The following GFRA3 variants were observed in gnomAD, a reference collection of about 807,000 sequenced individuals.
GFRA3 encodes the protein GDNF family receptor alpha 3, also known as GDNF family receptor alpha-3.
In GFRA3, 24 loss-of-function variants were observed where a neutral mutation model predicts 40.0. The ratio of observed to expected loss-of-function variants is 0.60; its 90% CI spans 0.43 to 0.84. The LOEUF (loss-of-function observed/expected upper bound fraction) is 0.84, where lower values mean the gene tolerates loss of function less well. Ranked by LOEUF, GFRA3 falls within the 40% of genes least tolerant of loss-of-function variation. GFRA3 has a pLI of 0.00. For synonymous variants in GFRA3, 203 were observed against 213.5 expected, an observed-to-expected ratio of 0.95 and a Z score of 0.43; for missense variants, 405 against 530.6, an observed-to-expected ratio of 0.76 and a Z score of 2.33.
intron 1 of GFRA3, 46 bp downstream of exon 1, chr5:138,274,288 T>C (rs375075920): frequency 1.7e-5 from 22 of 1,316,766 alleles, no homozygotes; most frequent in Non-Finnish European, 2.0e-5. Context: ...ACACCTCACC[T>C]CCCCCTCCCA....
At chr5:138,256,248 G>T (rs966027731) in intron 4 of GFRA3, among the ~76,000 whole-genome samples, 1 of 139,602 alleles carries the variant, frequency 7.2e-6, no homozygotes, top group Non-Finnish European at 1.6e-5. Context: ...AAAAAAAATC[G>T]CTGGGCACGG....
chr5:138,257,710 G>A lies in GFRA3; in HGVS notation c.714C>T (p.Asn238=). The change falls in exon 4 of 8, where the codon AAC becomes AAT. Residue 238 remains asparagine (N), a synonymous_variant. Transcript: ENST00000274721. ...GERRRNTIAP[N]CALPPVAPNC... ...TGGGGGCCACAGGCGGCAGCGCGCA[G>A]TTGGGGGCGATGGTGTTGCGCCGGC... The A allele has an allele frequency of 6.2e-7, 1 of 1,610,982 alleles. No individual in the cohort carries two copies. The highest frequency in any genetic ancestry group is 8.5e-7 in the Non-Finnish European group (1 of 1,179,120).
In GFRA3 at chr5:138,258,166, C is replaced by CTTTTTTTTT. The variant is rs66792829; in HGVS notation, c.473-224_473-216dup. Among the ~76,000 whole-genome samples the CTTTTTTTTT allele has an allele frequency of 1.5e-3, 78 of 51,650 alleles. 10 individuals are homozygous for CTTTTTTTTT. Among genetic ancestry groups the CTTTTTTTTT allele is most frequent in the African/African-American group, 1.7e-3 (19 of 10,958 alleles). 33.9% of individuals were successfully genotyped at this position (51,650 alleles called of 152,430 possible). A position where few individuals can be genotyped will look rare whatever the true frequency, so the allele number is the denominator to read the frequency against. On this transcript the variant is annotated intron_variant, in intron 3 of 7. Transcript: ENST00000274721. ...TTGAAGCCTTCCCCACCCTACTCCT[C>CTTTTTTTTT]TTTTTTTTTTTTTTTTTTTTTTTTT...
At chr5:138,258,035 G>T (rs956333955) in intron 3 of GFRA3, 84 bp from the exon 4 acceptor site, 6 of 1,080,686 alleles carry the variant, frequency 5.6e-6, no homozygotes, top group Non-Finnish European at 8.5e-6. Flanking sequence ...GGAAACCCCT[G>T]ATTTGACAAG....
chr5:138,256,230 T>TAAA (rs35302809), intron 4 of GFRA3, among the ~76,000 whole-genome samples: 3 of 106,540 alleles, frequency 2.8e-5, no homozygotes, highest in African/African-American at 8.3e-5. Context: ...GACTCCGTCT[T>TAAA]AAAAAAAAAA....
At chr5:138,263,061 T>C (rs1032980513) in intron 2 of GFRA3, among the ~76,000 whole-genome samples, 3 of 151,912 alleles carry the variant, frequency 2.0e-5, no homozygotes, top group African/African-American at 7.3e-5. Flanking sequence ...GCTTCCCGGG[T>C]TCAAGTGATT....
At chr5:138,272,018 T>G (rs1426360825) in intron 1 of GFRA3, among the ~76,000 whole-genome samples, 2 of 145,496 alleles carry the variant, frequency 1.4e-5, no homozygotes, top group Non-Finnish European at 3.0e-5. Context: ...TCTTTTTTTT[T>G]TTTTTGAGAC....
chr5:138,265,758 G>A (rs1266675240), intron 1 of GFRA3, among the ~76,000 whole-genome samples: 2 of 151,944 alleles, frequency 1.3e-5, no homozygotes, highest in South Asian at 4.2e-4. Flanking sequence ...GCAGTGGCAC[G>A]ATCACAGCTC....
chr5:138,269,020 T>A (rs1430982578), intron 1 of GFRA3, among the ~76,000 whole-genome samples: 1 of 151,268 alleles, frequency 6.6e-6, no homozygotes, highest in Non-Finnish European at 1.5e-5. Flanking sequence ...GATACACAAA[T>A]AGCCAACATA....
At chr5:138,271,968 TTTGG>T (rs1305243477) in intron 1 of GFRA3, among the ~76,000 whole-genome samples, 2 of 139,470 alleles carry the variant, frequency 1.4e-5, no homozygotes, top group African/African-American at 2.8e-5. Flanking sequence ...TATTTGTTTG[TTTGG>T]TTGGTTTTTT....
chr5:138,271,892 G>GTTTTTT (rs772736464), intron 1 of GFRA3, among the ~76,000 whole-genome samples: 5 of 59,684 alleles, frequency 8.4e-5, no homozygotes, highest in East Asian at 5.0e-4. Flanking sequence ...TTTCTTTTCT[G>GTTTTTT]TTTTTTTTTT....
intron 1 of GFRA3, among the ~76,000 whole-genome samples, chr5:138,270,753 T>C (rs1755856897): frequency 6.6e-6 from 1 of 152,088 alleles, no homozygotes; most frequent in Non-Finnish European, 1.5e-5. Context: ...AAATATGTAT[T>C]TCCAAAAAGC....
At chr5:138,254,243 A>G in intron 4 of GFRA3, 83 bp from the exon 5 acceptor site, 1 of 798,668 alleles carries the variant, frequency 1.3e-6, no homozygotes. Context: ...GCTGGAGTGC[A>G]GTAGCTCAAT....
At chr5:138,254,705 T>A (rs563404856) in intron 4 of GFRA3, among the ~76,000 whole-genome samples, 99 of 152,296 alleles carry the variant, frequency 6.5e-4, no homozygotes, top group African/African-American at 2.3e-3. Flanking sequence ...TCCCTACTTA[T>A]GAGATCTCAG....
rs993471478 is a variant in GFRA3, at chr5:138,253,140, C to T, written c.1114-83G>A. The stretch of plus-strand genomic sequence containing the variant: ...CTCAGCCTCAGTCAAGAGGTATTCC[C>T]CTTCCCCTGAGGTATCCATTAGAGG... On this transcript the variant is annotated intron_variant, in intron 7 of 7. Coordinates refer to ENST00000274721, the MANE Select transcript of GFRA3 (RefSeq NM_001496.4). The T allele has an allele frequency of 3.1e-5, 27 of 881,980 alleles. No individual in the cohort carries two copies. In the Admixed American group the frequency reaches 5.4e-4, roughly 18 times the overall value. 54.6% of individuals were successfully genotyped at this position (881,980 alleles called of 1,614,324 possible). A position where few individuals can be genotyped will look rare whatever the true frequency, so the allele number is the denominator to read the frequency against.
At chr5:138,256,862 G>T (rs948006551) in intron 4 of GFRA3, among the ~76,000 whole-genome samples, 1 of 149,350 alleles carries the variant, frequency 6.7e-6, no homozygotes, top group Non-Finnish European at 1.5e-5. Context: ...CAGAAGAATC[G>T]CTTGAACCTG....
chr5:138,274,357 G>C lies in GFRA3; in HGVS notation c.68C>G (p.Pro23Arg), dbSNP rs753915925. 7.5e-7 allele frequency: 1 copy of C among 1,336,860 alleles called. No homozygotes were observed. The allele number at this position is 1,336,860 out of a possible 1,614,324, so 82.8% of individuals were successfully genotyped here. A position where few individuals can be genotyped will look rare whatever the true frequency, so the allele number is the denominator to read the frequency against. Reference sequence around the variant, plus strand: ...ACCGGCTGCGAGAGGCAGCGGCGACGGCGGCAGCAGCAGCAGCAACATCAG... The same window carrying C: ...ACCGGCTGCGAGAGGCAGCGGCGACCGCGGCAGCAGCAGCAGCAACATCAG... ...VVLMLLLLLP[P>R]SPLPLAAGDP... Residue 23 changes from proline (P) to arginine (R), a missense_variant, in exon 1 of 8, where the codon CCG (proline) becomes CGG (arginine). By Grantham distance (103) the Pro-to-Arg change is moderately radical. Transcript: ENST00000274721.
intron 6 of GFRA3, 100 bp downstream of exon 6, chr5:138,253,666 G>T (rs1388822579): frequency 9.1e-7 from 1 of 1,104,862 alleles, no homozygotes; most frequent in Non-Finnish European, 1.3e-6. Flanking sequence ...GTTTGGTGGA[G>T]ATGGATGGAA....
chr5:138,271,892 GTTTTT>G (rs772736464), intron 1 of GFRA3, among the ~76,000 whole-genome samples: 16 of 59,686 alleles, frequency 2.7e-4, no homozygotes, highest in South Asian at 5.8e-4. Flanking sequence ...TTTCTTTTCT[GTTTTT>G]TTTTTTTTTT....
Sources: allele counts gnomAD v4.1 joint callset (sites outside exome capture counted in the v4.1 genomes callset), GRCh38; gene constraint gnomAD v4.1.1; transcripts MANE v1.5; gene names NCBI Gene and HGNC (gene_info 2026-07-23, HGNC 2026-07-21).